The following LYPLA1 variants were observed in gnomAD, a reference collection of about 807,000 sequenced individuals.
The protein encoded by LYPLA1 is acyl-protein thioesterase 1.
In LYPLA1, 17 loss-of-function variants were observed where a neutral mutation model predicts 34.0. The ratio of observed to expected loss-of-function variants is 0.50; its 90% CI spans 0.34 to 0.75. The LOEUF (loss-of-function observed/expected upper bound fraction) is 0.75, where lower values mean the gene tolerates loss of function less well. LYPLA1 is among the 30% of genes least tolerant of loss of function. The pLI, the probability that LYPLA1 is intolerant of heterozygous loss-of-function variation, is 0.01. For missense variants in LYPLA1, 203 were observed against 288.8 expected (o/e 0.70, Z 2.15); for synonymous variants, 98 against 100.8 (o/e 0.97, Z 0.17).
At chr8:54,086,834 A>G (rs964274614) in intron 2 of LYPLA1, among the ~76,000 whole-genome samples, 9 of 152,182 alleles carry the variant, frequency 5.9e-5, no homozygotes, top group African/African-American at 1.9e-4. Context: ...TGGGTGACAG[A>G]GCGAGACCCT....
chr8:54,046,989 C>G lies in LYPLA1; in HGVS notation c.*1076G>C, dbSNP rs1276200148. 6.6e-6 allele frequency: 1 copy of G among 152,130 alleles called. No individual in the cohort carries two copies. Among genetic ancestry groups the G allele is most frequent in the African/African-American group, 2.4e-5 (1 of 41,444 alleles). The allele number at this position is 152,130 out of a possible 1,614,324, so 9.4% of individuals were successfully genotyped here. A position where few individuals can be genotyped will look rare whatever the true frequency, so the allele number is the denominator to read the frequency against. On this transcript the variant is annotated 3_prime_UTR_variant, in exon 9 of 9. Transcript: ENST00000316963. ...CAAAAAATTACAATAGATTCCTCATCTTCTACAGTAGTTGGTTTCAAACGT... is the reference window on the plus strand; with the variant it reads ...CAAAAAATTACAATAGATTCCTCATGTTCTACAGTAGTTGGTTTCAAACGT...
At chr8:54,059,655 C>T (rs1806457647) in intron 5 of LYPLA1, among the ~76,000 whole-genome samples, 1 of 152,324 alleles carries the variant, frequency 6.6e-6, no homozygotes, top group African/African-American at 2.4e-5. Context: ...AAAAGGGCTG[C>T]GCTCAGTGGC....
chr8:54,075,561 G>A (rs1443760282), intron 2 of LYPLA1, among the ~76,000 whole-genome samples: 1 of 152,198 alleles, frequency 6.6e-6, no homozygotes, highest in Non-Finnish European at 1.5e-5. Context: ...AAAACCTGAG[G>A]AAAGCGGGAC....
intron 5 of LYPLA1, among the ~76,000 whole-genome samples, chr8:54,055,712 T>C (rs868166773): frequency 1.2e-4 from 18 of 151,978 alleles, no homozygotes; most frequent in South Asian, 6.2e-4. Context: ...GGCGTGATCT[T>C]GGCTCACTGC....
At chr8:54,052,843 A>G (rs2129324732) in intron 6 of LYPLA1, 87 bp from the exon 7 acceptor site, 3 of 799,052 alleles carry the variant, frequency 3.8e-6, no homozygotes, top group Non-Finnish European at 6.3e-6. Context: ...TGATATCCAT[A>G]AAAAAATCAA....
intron 2 of LYPLA1, among the ~76,000 whole-genome samples, chr8:54,095,350 A>G (rs1809601694): frequency 6.6e-6 from 1 of 152,208 alleles, no homozygotes; most frequent in Non-Finnish European, 1.5e-5. Context: ...ATATTTAAAT[A>G]TCATAAGATA....
At chr8:54,052,079 G>C (rs1453969964) in intron 7 of LYPLA1, among the ~76,000 whole-genome samples, 1 of 150,708 alleles carries the variant, frequency 6.6e-6, no homozygotes, top group East Asian at 2.0e-4. Context: ...TTGAACTCCT[G>C]ACCTGAGGTA....
At chr8:54,061,792 G>C (rs566276958) in intron 5 of LYPLA1, among the ~76,000 whole-genome samples, 1 of 152,146 alleles carries the variant, frequency 6.6e-6, no homozygotes, top group East Asian at 1.9e-4. Flanking sequence ...GGGGGCAGGG[G>C]GTAAAAGGAA....
chr8:54,063,771 T>C (rs1460395670), intron 3 of LYPLA1, among the ~76,000 whole-genome samples: 1 of 152,254 alleles, frequency 6.6e-6, no homozygotes, highest in Non-Finnish European at 1.5e-5. Flanking sequence ...AATTCTCATA[T>C]GCTCAGATTA....
At chr8:54,088,590 A>G (rs749140109) in intron 2 of LYPLA1, among the ~76,000 whole-genome samples, 1 of 152,248 alleles carries the variant, frequency 6.6e-6, no homozygotes, top group African/African-American at 2.4e-5. Flanking sequence ...GCTACCATTG[A>G]CTTAGCAATT....
chr8:54,093,055 AAGAC>A (rs1225081201), intron 2 of LYPLA1, among the ~76,000 whole-genome samples: 9 of 152,332 alleles, frequency 5.9e-5, no homozygotes, highest in African/African-American at 1.9e-4. Flanking sequence ...AAAATGACCT[AAGAC>A]AGATCAGATT....
At chr8:54,059,236 A>G (rs1056985830) in intron 5 of LYPLA1, among the ~76,000 whole-genome samples, 1 of 152,082 alleles carries the variant, frequency 6.6e-6, no homozygotes, top group Non-Finnish European at 1.5e-5. Flanking sequence ...TAATGATCCC[A>G]TAAGTCAGTG....
At chr8:54,073,332 T>C (rs1807639926) in intron 2 of LYPLA1, 5 of 858,446 alleles carry the variant, frequency 5.8e-6, no homozygotes, top group Non-Finnish European at 1.0e-5. Context: ...GTGAGCATGA[T>C]GTGTGCAAAG....
intron 2 of LYPLA1, chr8:54,073,117 C>T (rs1423265960): frequency 8.7e-6 from 6 of 693,152 alleles, no homozygotes; most frequent in African/African-American, 5.3e-5. Context: ...GGAACTTGCG[C>T]GTCCATCTCA....
intron 2 of LYPLA1, chr8:54,073,032 C>A: frequency 2.3e-6 from 1 of 441,464 alleles, no homozygotes; most frequent in Non-Finnish European, 4.2e-6. Context: ...AAAACCACAA[C>A]AAAATACCAT....
intron 2 of LYPLA1, among the ~76,000 whole-genome samples, chr8:54,085,797 G>A (rs1251571922): frequency 8.1e-5 from 10 of 123,458 alleles, no homozygotes; most frequent in East Asian, 6.1e-4. Context: ...CAGCCGCCCC[G>A]TCCGCGAGGT....
intron 2 of LYPLA1, among the ~76,000 whole-genome samples, chr8:54,097,325 G>A (rs1282515481): frequency 6.6e-6 from 1 of 152,156 alleles, no homozygotes; most frequent in African/African-American, 2.4e-5. Context: ...ATCTAATCAT[G>A]AGTAAATACA....
chr8:54,067,937 T>C (rs1232671789), intron 2 of LYPLA1, among the ~76,000 whole-genome samples: 2 of 152,090 alleles, frequency 1.3e-5, no homozygotes, highest in Admixed American at 6.6e-5. Context: ...TCCGTCTGCC[T>C]CAGCCTCCCA....
intron 2 of LYPLA1, among the ~76,000 whole-genome samples, chr8:54,073,755 C>T (rs1807672522): frequency 6.6e-6 from 1 of 152,184 alleles, no homozygotes; most frequent in Non-Finnish European, 1.5e-5. Context: ...TACCTCTTTG[C>T]CCTGCCCTCC....
Sources: gnomAD v4.1 joint callset for allele counts (sites outside exome capture counted in the v4.1 genomes callset) on GRCh38, gnomAD v4.1.1 for gene constraint, MANE v1.5 for transcripts, NCBI Gene and HGNC (gene_info 2026-07-23, HGNC 2026-07-21) for gene names.